Variants in SECTM1 observed in about 807,000 individuals in gnomAD.
SECTM1 encodes the protein secreted and transmembrane protein 1.
Under a neutral mutation model 18.1 loss-of-function variants are expected in SECTM1, and 10 were observed. That is an observed-to-expected ratio of 0.55 (90% confidence interval 0.34 to 0.94). SECTM1 has a LOEUF of 0.94. SECTM1 is among the 40% of genes least tolerant of loss of function. The probability of loss-of-function intolerance (pLI) is 0.02; values close to 1 mark genes in which losing one functional copy is unlikely to be tolerated. For synonymous variants in SECTM1, 137 were observed against 139.2 expected, an observed-to-expected ratio of 0.98 and a Z score of 0.11; for missense variants, 297 against 322.6, an observed-to-expected ratio of 0.92 and a Z score of 0.61.
At chr17:82,324,323 C>G (rs899016825) in intron 3 of SECTM1, among the ~76,000 whole-genome samples, 8 of 151,994 alleles carry the variant, frequency 5.3e-5, no homozygotes, top group Admixed American at 1.3e-4. Context: ...CTGTGGGTCC[C>G]ACCCCACTGT....
At position 82,329,909 on chromosome 17, in the gene SECTM1, A is replaced by G. The variant is rs572374139; in HGVS notation, c.-52-2617T>C. 5.3e-5 allele frequency among the ~76,000 whole-genome samples: 8 copies of G among 152,122 alleles called. No homozygotes were observed. Among genetic ancestry groups the G allele is most frequent in the African/African-American group, 1.9e-4 (8 of 41,494 alleles). ...GGCCCCCCTGGGTGACCCAGGACAC[A>G]TGCCCCAGCTCAGCACCCGAGGCTT... On this transcript the variant is annotated intron_variant, in intron 1 of 4. Transcript: ENST00000269389. This position sits in a 1 kb window ranked among gnomAD's most constrained non-coding sequence, Gnocchi z 7.6.
rs982004695 is a variant in SECTM1 at position 82,325,515 on chromosome 17, C to T, written c.95-625G>A. ...CATTCCCTTTCCCCTCCCGGCCACC[C>T]GCTCAGCTCCAGGTTGCTGGGCCAG... On this transcript the variant is annotated intron_variant, in intron 2 of 4. Transcript: ENST00000269389. The surrounding 1 kb of genome is among the most constrained non-coding windows in gnomAD (Gnocchi z 7.6). 2.6e-5 allele frequency among the ~76,000 whole-genome samples: 4 copies of T among 152,250 alleles called. No homozygotes were observed. The highest frequency in any genetic ancestry group is 7.2e-5 in the African/African-American group (3 of 41,462).
At position 82,324,730 on chromosome 17, in the gene SECTM1, G is replaced by A. The variant is rs2052130670; in HGVS notation, c.255C>T (p.Tyr85=). The A allele has an allele frequency of 1.9e-6, 3 of 1,614,074 alleles. No individual in the cohort carries two copies. The highest frequency in any genetic ancestry group is 2.5e-6 in the Non-Finnish European group (3 of 1,180,038). Residue 85 remains tyrosine, a synonymous_variant, in exon 3 of 5, where the codon TAC becomes TAT. Transcript: ENST00000269389. ...SAIFNEVAPG[Y]FSRDGWQLQV... ...GGAGCTGCCAGCCGTCCCGGGAGAA[G>A]TAGCCTGGAGCCACCTCATTGAAGA...
rs1449119694 is a variant in SECTM1, at chr17:82,325,592, G to T, written c.95-702C>A. Among the ~76,000 whole-genome samples, 4 of 152,352 alleles carry T rather than the reference G, an allele frequency of 2.6e-5. No individual in the cohort carries two copies. The highest frequency in any genetic ancestry group is 6.5e-5 in the Admixed American group (1 of 15,306). On this transcript the variant is annotated intron_variant, in intron 2 of 4. Coordinates refer to ENST00000269389, the MANE Select transcript of SECTM1 (RefSeq NM_003004.3). The surrounding 1 kb of genome is among the most constrained non-coding windows in gnomAD (Gnocchi z 7.6). Reference sequence around the variant, plus strand: ...GAGGTCAAGTCCTTGACACAAGCCGGCGTGTCAGTCTCTCTCTCCCGCCTC... The same window carrying T: ...GAGGTCAAGTCCTTGACACAAGCCGTCGTGTCAGTCTCTCTCTCCCGCCTC...
chr17:82,324,510 T>TCCCCC, intron 3 of SECTM1, 72 bp downstream of exon 3: 2 of 174,026 alleles, frequency 1.1e-5, no homozygotes, highest in Non-Finnish European at 2.3e-5. Flanking sequence ...GCCCTCCCCC[T>TCCCCC]GCCCAGGCCC....
In SECTM1 at chr17:82,322,999, T is replaced by C; in HGVS notation, c.416A>G (p.Gln139Arg). 1.2e-6 allele frequency: 2 copies of C among 1,612,448 alleles called. No individual in the cohort carries two copies. The highest frequency in any genetic ancestry group is 1.7e-6 in the Non-Finnish European group (2 of 1,179,364). Reference protein sequence around the residue: ...VTLEVSGAEPQSAPDTGFWPV... With the variant: ...VTLEVSGAEPRSAPDTGFWPV... The stretch of plus-strand genomic sequence containing the variant: ...CCAGAACCCAGTGTCGGGGGCGGAC[T>C]GGGGTTCTGCACCTGAAGGAGGCAG... The change falls in exon 4 of 5, where the codon CAG becomes CGG. Residue 139 changes from glutamine (Q) to arginine (R), a missense_variant. Coordinates refer to ENST00000269389, the MANE Select transcript of SECTM1 (RefSeq NM_003004.3).
intron 1 of SECTM1, among the ~76,000 whole-genome samples, chr17:82,331,330 C>A (rs1248825357): frequency 6.6e-6 from 1 of 152,096 alleles, no homozygotes; most frequent in Non-Finnish European, 1.5e-5. Context: ...CTTCAGGCTG[C>A]GGACCATGCG....
At chr17:82,324,532 C>CCT in intron 3 of SECTM1, 50 bp downstream of exon 3, 1 of 1,079,974 alleles carries the variant, frequency 9.3e-7, no homozygotes, top group Non-Finnish European at 1.3e-6. Flanking sequence ...CTCCCCTCCC[C>CCT]GTGTCCCCTC....
intron 1 of SECTM1, 82 bp from the exon 2 acceptor site, chr17:82,327,374 C>G: frequency 1.3e-6 from 1 of 769,396 alleles, no homozygotes; most frequent in Non-Finnish European, 2.1e-6. Context: ...CTGGCGGGGG[C>G]TGGGAGGCTG....
chr17:82,326,978 CCA>C lies in SECTM1; in HGVS notation c.94+167_94+168del, dbSNP rs1567844426. On this transcript the variant is annotated intron_variant, in intron 2 of 4. Transcript: ENST00000269389. The surrounding 1 kb of genome is among the most constrained non-coding windows in gnomAD (Gnocchi z 4.3). ...ACGGCGGGACACGGTCCACTCACCG[CCA>C]CCTGAGGCAGCCCAGCTCCACATGG... is the stretch of plus-strand genomic sequence containing the variant. 2.9e-4 allele frequency among the ~76,000 whole-genome samples: 44 copies of C among 152,002 alleles called. No homozygotes were observed. The highest frequency in any genetic ancestry group is 6.3e-4 in the African/African-American group (26 of 41,444).
In SECTM1 at chr17:82,329,675, G is replaced by T. The variant is rs1000636898; in HGVS notation, c.-52-2383C>A. Among the ~76,000 whole-genome samples, 1 of 151,892 alleles carries T rather than the reference G, an allele frequency of 6.6e-6. No individual in the cohort carries two copies. Among genetic ancestry groups the T allele is most frequent in the Non-Finnish European group, 1.5e-5 (1 of 67,948 alleles). ...CTGGAAGTCCGACGGGGTCTCCCTG[G>T]GTTAAAATCAAGGGGTGGGTCAGGG... On this transcript the variant is annotated intron_variant, in intron 1 of 4. Transcript: ENST00000269389. The surrounding 1 kb of genome is among the most constrained non-coding windows in gnomAD (Gnocchi z 7.6).
chr17:82,332,289 G>A (rs1567846205), intron 1 of SECTM1, among the ~76,000 whole-genome samples: 1 of 152,252 alleles, frequency 6.6e-6, no homozygotes, highest in Admixed American at 6.5e-5. Flanking sequence ...GACAAGCGAT[G>A]ATGCGCAGGC....
Position 82,322,086 on chromosome 17 carries a change from G to A in SECTM1, c.*75C>T, listed in dbSNP as rs1296591399. 8.2e-6 allele frequency: 12 copies of A among 1,466,698 alleles called. No homozygotes were observed. The highest frequency in any genetic ancestry group is 6.9e-5 in the South Asian group (6 of 87,068). The allele number at this position is 1,466,698 out of a possible 1,614,324, so 90.9% of individuals were successfully genotyped here. On this transcript the variant is annotated 3_prime_UTR_variant, in exon 5 of 5. Coordinates refer to ENST00000269389, the MANE Select transcript of SECTM1 (RefSeq NM_003004.3). ...GGTGTCTGTGCCCTCCGGGTGGGAC[G>A]AGAGACCCAGGCCCCGCCACCCAAG...
In SECTM1 at chr17:82,326,812, C is replaced by T. The variant is rs2052149527; in HGVS notation, c.94+335G>A. ...GGCCATGGCACAGGTCGCAACTGAC[C>T]CAGACCCTCTCCCTTGGAAACTGGT... On this transcript the variant is annotated intron_variant, in intron 2 of 4. Transcript: ENST00000269389. The surrounding 1 kb of genome is among the most constrained non-coding windows in gnomAD (Gnocchi z 4.3). Among the ~76,000 whole-genome samples the T allele has an allele frequency of 6.6e-6, 1 of 152,128 alleles. No homozygotes were observed. Among genetic ancestry groups the T allele is most frequent in the Non-Finnish European group, 1.5e-5 (1 of 68,016 alleles).
chr17:82,323,008 G>C lies in SECTM1; in HGVS notation c.407C>G (p.Ala136Gly). ...AGTGTCGGGGGCGGACTGGGGTTCT[G>C]CACCTGAAGGAGGCAGTTCAGGGGT... ...NRQVTLEVSG[A>G]EPQSAPDTGF... is the part of the protein sequence containing the mutation. Residue 136 changes from alanine to glycine, a missense_variant, in exon 4 of 5, where the codon GCA becomes GGA. Physicochemically the swap from Ala to Gly is moderately conservative, Grantham distance 60. Transcript: ENST00000269389. 6.2e-7 allele frequency: 1 copy of C among 1,611,330 alleles called. No individual in the cohort carries two copies. The highest frequency in any genetic ancestry group is 8.5e-7 in the Non-Finnish European group (1 of 1,178,830).
rs1294214835 is a variant in SECTM1 at position 82,330,228 on chromosome 17, C to T, written c.-52-2936G>A. 1.3e-5 allele frequency among the ~76,000 whole-genome samples: 2 copies of T among 152,202 alleles called. No individual in the cohort carries two copies. The highest frequency in any genetic ancestry group is 4.8e-5 in the African/African-American group (2 of 41,450). On this transcript the variant is annotated intron_variant, in intron 1 of 4. Transcript: ENST00000269389. This position sits in a 1 kb window ranked among gnomAD's most constrained non-coding sequence, Gnocchi z 6.1. ...GGCTCCCCCACTGCTCTCCGCACCA[C>T]CCCGCCGACCGTGTCCGGGAGGGGA...
chr17:82,327,111 C>A, intron 2 of SECTM1, 36 bp downstream of exon 2: 2 of 1,547,720 alleles, frequency 1.3e-6, no homozygotes, highest in South Asian at 1.2e-5. Flanking sequence ...CCGGGCCCCC[C>A]TTTCCCCAGC....
At chr17:82,324,240 CCT>C (rs2052124813) in intron 3 of SECTM1, among the ~76,000 whole-genome samples, 1 of 151,942 alleles carries the variant, frequency 6.6e-6, no homozygotes, top group Non-Finnish European at 1.5e-5. Flanking sequence ...AGCCCCCACC[CCT>C]GACAGGCAGA....
rs761859366 is a variant in SECTM1, at chr17:82,327,198, C to A, written c.43G>T (p.Ala15Ser). 1.9e-6 allele frequency: 3 copies of A among 1,612,624 alleles called. No individual in the cohort carries two copies. The highest frequency in any genetic ancestry group is 2.5e-6 in the Non-Finnish European group (3 of 1,179,408). ...PLAFPGHVSQ[A>S]LGTLLFLAAS... is the part of the protein sequence containing the mutation. ...GCCAAAAACAGGAGGGTCCCAAGGG[C>A]CTGGGAAACGTGGCCAGGGAATGCC... Residue 15 changes from alanine (A) to serine (S), a missense_variant, in exon 2 of 5, where the codon GCC (alanine) becomes TCC (serine). Physicochemically the swap from Ala to Ser is moderately conservative, Grantham distance 99. Transcript: ENST00000269389.
Sources: gnomAD v4.1 joint callset for allele counts (sites outside exome capture counted in the v4.1 genomes callset) on GRCh38, gnomAD v4.1.1 for gene constraint, Gnocchi (gnomAD v3.1) non-coding constraint, MANE v1.5 for transcripts, NCBI Gene and HGNC (gene_info 2026-07-23, HGNC 2026-07-21) for gene names.